The following NCAPH variants were observed in gnomAD, a reference collection of about 807,000 sequenced individuals.
NCAPH encodes condensin complex subunit 2.
NCAPH carries 38 observed loss-of-function variants against 85.5 expected under a neutral mutation model. The ratio of observed to expected loss-of-function variants is 0.44; its 90% CI spans 0.34 to 0.58. The LOEUF (loss-of-function observed/expected upper bound fraction) is 0.58, where lower values mean the gene tolerates loss of function less well. Ranked by LOEUF, NCAPH falls within the 20% of genes least tolerant of loss-of-function variation. The probability of loss-of-function intolerance (pLI) is 0.01; values close to 1 mark genes in which losing one functional copy is unlikely to be tolerated. For missense variants in NCAPH, 789 were observed against 916.6 expected, an observed-to-expected ratio of 0.86 and a Z score of 1.80; for synonymous variants, 301 against 335.1, an observed-to-expected ratio of 0.90 and a Z score of 1.11.
chr2:96,358,520 G>C (rs1037794690), intron 9 of NCAPH, among the ~76,000 whole-genome samples: 1 of 152,126 alleles, frequency 6.6e-6, no homozygotes, highest in Non-Finnish European at 1.5e-5. Context: ...CCAGGCTGGA[G>C]TGCAGTGGCG....
rs368668931 is a variant in NCAPH, at chr2:96,351,667, CAAA to C, written c.721-148_721-146del. On this transcript the variant is annotated intron_variant, in intron 6 of 17. Transcript: ENST00000240423. The stretch of plus-strand genomic sequence containing the variant: ...TGGGCGGCAGAGCAAGACTCCATCT[CAAA>C]AAAAAAAAAAAAAAACAAAAACAAA... Among the ~76,000 whole-genome samples, 5 of 54,228 alleles carry C rather than the reference CAAA, an allele frequency of 9.2e-5. 1 individual carries two copies. The East Asian group carries it at 2.1e-3, about 23-fold the overall frequency. The allele number at this position is 54,228 out of a possible 152,430, so 35.6% of individuals were successfully genotyped here.
rs139457468 is a variant in NCAPH, at chr2:96,349,919, A to G, written c.721-1912A>G. ...AGTTGGTAGGGCTCAGAGTTTATGG[A>G]AGAAGCAAGACTTGAACTGGGCCAT... On this transcript the variant is annotated intron_variant, in intron 6 of 17. Coordinates refer to ENST00000240423, the MANE Select transcript of NCAPH (RefSeq NM_015341.5). 1.1e-4 allele frequency among the ~76,000 whole-genome samples: 17 copies of G among 152,330 alleles called. No homozygotes were observed. In the East Asian group the frequency reaches 3.1e-3, roughly 28 times the overall value.
intron 14 of NCAPH, among the ~76,000 whole-genome samples, chr2:96,366,566 G>A (rs1456331201): frequency 6.6e-6 from 1 of 152,110 alleles, no homozygotes; most frequent in Non-Finnish European, 1.5e-5. Flanking sequence ...TTGATATGAG[G>A]GACTCTATAT....
intron 15 of NCAPH, among the ~76,000 whole-genome samples, chr2:96,367,801 G>C (rs1363515760): frequency 6.6e-6 from 1 of 152,194 alleles, no homozygotes; most frequent in African/African-American, 2.4e-5. Flanking sequence ...AATCAAAAAA[G>C]ACAAATGAAA....
chr2:96,360,636 G>A lies in NCAPH; in HGVS notation c.1513G>A (p.Ala505Thr). 2 of 1,614,122 alleles carry A rather than the reference G, an allele frequency of 1.2e-6. No homozygotes were observed. The highest frequency in any genetic ancestry group is 1.7e-6 in the Non-Finnish European group (2 of 1,179,984). Reference sequence around the variant, plus strand: ...CACTTTGGAGAACCAGAATTGGAGAGCTACCACCCTTCCTACAGATTTCAA... The same window carrying A: ...CACTTTGGAGAACCAGAATTGGAGAACTACCACCCTTCCTACAGATTTCAA... Reference protein sequence around the residue: ...KSTLENQNWRATTLPTDFNYN... With the variant: ...KSTLENQNWRTTTLPTDFNYN... Residue 505 changes from alanine (A) to threonine (T), a missense_variant, in exon 12 of 18, where the codon GCT becomes ACT. Physicochemically the swap from Ala to Thr is moderately conservative, Grantham distance 58. Transcript: ENST00000240423.
rs753007968 is a variant in NCAPH, at chr2:96,360,134, A to G, written c.1358-9A>G. 1.3e-6 allele frequency: 2 copies of G among 1,482,378 alleles called. No homozygotes were observed. The highest frequency in any genetic ancestry group is 1.7e-5 in the Admixed American group (1 of 57,810). 91.8% of individuals were successfully genotyped at this position (1,482,378 alleles called of 1,614,324 possible). A position where few individuals can be genotyped will look rare whatever the true frequency, so the allele number is the denominator to read the frequency against. On this transcript the variant is annotated splice_polypyrimidine_tract_variant and intron_variant, in intron 10 of 17. Transcript: ENST00000240423. Reference sequence around the variant, plus strand: ...AAGTGAAGTGCTGACGTCTGTGTTCACTCTGCAGAAGATGCTCCTTCCCAA... The same window carrying G: ...AAGTGAAGTGCTGACGTCTGTGTTCGCTCTGCAGAAGATGCTCCTTCCCAA...
At chr2:96,348,141 C>T (rs550579620) in intron 6 of NCAPH, among the ~76,000 whole-genome samples, 2 of 151,946 alleles carry the variant, frequency 1.3e-5, no homozygotes, top group South Asian at 2.1e-4. Context: ...CTGGCCCCAA[C>T]CACATCTCGG....
chr2:96,338,201 C>T (rs2064241007), intron 1 of NCAPH, among the ~76,000 whole-genome samples: 1 of 123,296 alleles, frequency 8.1e-6, no homozygotes, highest in Non-Finnish European at 1.6e-5. Context: ...GCTAGGATTA[C>T]AGGCATGAGC....
At position 96,342,851 on chromosome 2, in the gene NCAPH, A is replaced by G; in HGVS notation, c.456+3A>G. On this transcript the variant is annotated splice_donor_region_variant and intron_variant, in intron 4 of 17. Transcript: ENST00000240423. ...ACACCGAACCAACCAACTTTAAAGTAAGAAGGATGTCCACTTTCTCTTGCA... is the reference window on the plus strand; with the variant it reads ...ACACCGAACCAACCAACTTTAAAGTGAGAAGGATGTCCACTTTCTCTTGCA... 1 of 1,602,758 alleles carries G rather than the reference A, an allele frequency of 6.2e-7. No individual in the cohort carries two copies. Among genetic ancestry groups the G allele is most frequent in the Non-Finnish European group, 8.5e-7 (1 of 1,170,622 alleles).
chr2:96,359,070 G>A lies in NCAPH; in HGVS notation c.1234G>A (p.Gly412Arg), dbSNP rs755862030. ...CQEEMISLGDGDIRTMCPLLS... is the reference protein window; with the variant it reads ...CQEEMISLGDRDIRTMCPLLS... ...GGAAGAAATGATTTCCCTTGGGGAT[G>A]GAGACATCAGGACCATGTGCCCCCT... Residue 412 changes from glycine (G) to arginine (R), a missense_variant, in exon 10 of 18, where the codon GGA becomes AGA. Transcript: ENST00000240423. 3.1e-5 allele frequency: 50 copies of A among 1,614,020 alleles called. No homozygotes were observed. In the Middle Eastern group the frequency reaches 1.2e-3, roughly 37 times the overall value.
At position 96,357,190 on chromosome 2, in the gene NCAPH, G is replaced by A. The variant is rs545721284; in HGVS notation, c.1209-1855G>A. The stretch of plus-strand genomic sequence containing the variant: ...CCTGATGTGCTGAGCCAGCTGGGAG[G>A]AGACCTTATCTTGCCAGTGTTAGGA... On this transcript the variant is annotated intron_variant, in intron 9 of 17. Transcript: ENST00000240423. Among the ~76,000 whole-genome samples, 12 of 152,334 alleles carry A rather than the reference G, an allele frequency of 7.9e-5. No homozygotes were observed. In the South Asian group the frequency reaches 2.5e-3, roughly 32 times the overall value.
chr2:96,340,412 C>T (rs951525858), intron 1 of NCAPH, among the ~76,000 whole-genome samples: 3 of 107,754 alleles, frequency 2.8e-5, no homozygotes, highest in African/African-American at 7.3e-5. Context: ...TTTTTTGAGA[C>T]GGAGTTTCAC....
Position 96,351,864 on chromosome 2 carries a change from T to G in NCAPH, c.754T>G (p.Phe252Val). The G allele has an allele frequency of 1.2e-6, 2 of 1,609,064 alleles. No individual in the cohort carries two copies. The highest frequency in any genetic ancestry group is 1.7e-6 in the Non-Finnish European group (2 of 1,178,566). The change falls in exon 7 of 18, where the codon TTT becomes GTT. Residue 252 changes from phenylalanine to valine, a missense_variant. Physicochemically the swap from Phe to Val is conservative, Grantham distance 50. Transcript: ENST00000240423. ...DPMFQKTAASFDECSTAGVFL... is the reference protein window; with the variant it reads ...DPMFQKTAASVDECSTAGVFL... The stretch of plus-strand genomic sequence containing the variant: ...CATGTTTCAGAAGACAGCAGCCTCA[T>G]TTGATGAGTGCAGCACAGCAGGGGT...
chr2:96,343,331 G>A (rs775688505), intron 5 of NCAPH, 27 bp downstream of exon 5: 4 of 1,601,466 alleles, frequency 2.5e-6, no homozygotes, highest in Admixed American at 1.7e-5. Flanking sequence ...CTGGATTTAA[G>A]TGGCTCTTTT....
Position 96,344,248 on chromosome 2 carries a change from A to T in NCAPH, c.720+19A>T. 6.3e-7 allele frequency: 1 copy of T among 1,591,266 alleles called. No homozygotes were observed. Among genetic ancestry groups the T allele is most frequent in the Non-Finnish European group, 8.5e-7 (1 of 1,172,146 alleles). On this transcript the variant is annotated intron_variant, in intron 6 of 17. Transcript: ENST00000240423. ...GTGTGAGGTGAGGAACTGTATGCGCAGTGTGGTTTCTGACTAATTCAGAAC... is the reference window on the plus strand; with the variant it reads ...GTGTGAGGTGAGGAACTGTATGCGCTGTGTGGTTTCTGACTAATTCAGAAC...
chr2:96,360,629 T>C lies in NCAPH; in HGVS notation c.1506T>C (p.Asn502=), dbSNP rs1396830609. The C allele has an allele frequency of 6.2e-7, 1 of 1,613,994 alleles. No homozygotes were observed. Among genetic ancestry groups the C allele is most frequent in the Non-Finnish European group, 8.5e-7 (1 of 1,179,988 alleles). The part of the protein sequence containing the change: ...ILTKSTLENQ[N]WRATTLPTDF... The stretch of plus-strand genomic sequence containing the variant: ...CCAAGTCCACTTTGGAGAACCAGAA[T>C]TGGAGAGCTACCACCCTTCCTACAG... Residue 502 remains asparagine (N), a synonymous_variant, in exon 12 of 18, where the codon AAT becomes AAC. Transcript: ENST00000240423.
chr2:96,354,379 A>C lies in NCAPH; in HGVS notation c.1199A>C (p.Gln400Pro). 1 of 1,586,688 alleles carries C rather than the reference A, an allele frequency of 6.3e-7. No homozygotes were observed. Among genetic ancestry groups the C allele is most frequent in the Middle Eastern group, 1.7e-4 (1 of 5,920 alleles). Residue 400 changes from glutamine to proline, a missense_variant, in exon 9 of 18, where the codon CAG becomes CCG. By Grantham distance (76) the Gln-to-Pro change is moderately conservative (BLOSUM62 -1). Coordinates refer to ENST00000240423, the MANE Select transcript of NCAPH (RefSeq NM_015341.5). The stretch of plus-strand genomic sequence containing the variant: ...AGCTGGAAGGAGCCCTGCCAGGTTC[A>C]GAGCTGCCAGTAAGGCTCTCAGAGT... The part of the protein sequence containing the change: ...FRSWKEPCQV[Q>P]SCQEEMISLG...
At position 96,376,498 on chromosome 2, in the gene NCAPH, T is replaced by C. The variant is rs956139583; in HGVS notation, c.*3147T>C. Among the ~76,000 whole-genome samples, 3 of 152,184 alleles carry C rather than the reference T, an allele frequency of 2.0e-5. No individual in the cohort carries two copies. The highest frequency in any genetic ancestry group is 1.3e-4 in the Admixed American group (2 of 15,272). On this transcript the variant is annotated 3_prime_UTR_variant, in exon 18 of 18. Transcript: ENST00000240423. ...CTTCCCTGGCCAGACCACCCTACAG[T>C]GTATGATCCCCCTGGGGAGCAAAAG...
In NCAPH at chr2:96,339,295, A is replaced by G. The variant is rs190200449; in HGVS notation, c.20-2347A>G. Among the ~76,000 whole-genome samples, 183 of 152,054 alleles carry G rather than the reference A, an allele frequency of 1.2e-3. No individual in the cohort carries two copies. In the Middle Eastern group the frequency reaches 0.017, roughly 14 times the overall value. On this transcript the variant is annotated intron_variant, in intron 1 of 17. Coordinates refer to ENST00000240423, the MANE Select transcript of NCAPH (RefSeq NM_015341.5). ...CCCTCTCATTTCTCTCCACCCTTTTACAGTAGAAGTCTTTGGGCAGGGCGT... is the reference window on the plus strand; with the variant it reads ...CCCTCTCATTTCTCTCCACCCTTTTGCAGTAGAAGTCTTTGGGCAGGGCGT...
Sources: gnomAD v4.1 joint callset for allele counts (sites outside exome capture counted in the v4.1 genomes callset) on GRCh38, gnomAD v4.1.1 for gene constraint, MANE v1.5 for transcripts, NCBI Gene and HGNC (gene_info 2026-07-23, HGNC 2026-07-21) for gene names.